TSPEAR: variants seen among roughly 807,000 people sequenced by gnomAD.
TSPEAR encodes the protein thrombospondin-type laminin G domain and EAR repeat-containing protein.
In TSPEAR, 69 loss-of-function variants were observed where a neutral mutation model predicts 71.6. That is an observed-to-expected ratio of 0.96 (90% CI 0.79 to 1.18). TSPEAR has a LOEUF of 1.18. TSPEAR is among the 50% of genes most tolerant of loss of function. TSPEAR has a pLI of 0.00. For synonymous variants in TSPEAR, 402 were observed against 387.2 expected, an observed-to-expected ratio of 1.04 and a Z score of -0.45; for missense variants, 971 against 894.9, an observed-to-expected ratio of 1.09 and a Z score of -1.09.
intron 1 of TSPEAR, 45 bp from the exon 2 acceptor site, chr21:44,568,050 A>G (rs2053726329): frequency 6.9e-7 from 1 of 1,443,532 alleles, no homozygotes. Context: ...GACACCCCCA[A>G]AAGTGGATAC....
Position 44,504,898 on chromosome 21 carries a change from G to T in TSPEAR, c.1755-17C>A, listed in dbSNP as rs782413436. On this transcript the variant is annotated splice_polypyrimidine_tract_variant and intron_variant, in intron 10 of 11. Coordinates refer to ENST00000323084, the MANE Select transcript of TSPEAR (RefSeq NM_144991.3). ...TCCAGAGCACTGCAGGAACAAGTGG[G>T]TGGATATTAGGACACAACAGACATC... The T allele has an allele frequency of 1.9e-6, 3 of 1,588,452 alleles. No homozygotes were observed. Among genetic ancestry groups the T allele is most frequent in the African/African-American group, 2.7e-5 (2 of 74,292 alleles).
chr21:44,577,188 C>T (rs1397262422), intron 1 of TSPEAR, among the ~76,000 whole-genome samples: 2 of 152,110 alleles, frequency 1.3e-5, no homozygotes, highest in African/African-American at 4.8e-5. Context: ...AGAAGAAGGC[C>T]TAAAATCAGT....
intron 2 of TSPEAR, among the ~76,000 whole-genome samples, chr21:44,538,335 G>A (rs1319378942): frequency 6.6e-6 from 1 of 151,918 alleles, no homozygotes; most frequent in African/African-American, 2.4e-5. Context: ...GCCTTAGAGA[G>A]ATGAGAGTGT....
At chr21:44,686,062 C>T (rs1418101373) in intron 1 of TSPEAR, among the ~76,000 whole-genome samples, 5 of 152,104 alleles carry the variant, frequency 3.3e-5, no homozygotes, top group African/African-American at 7.2e-5. Context: ...TCAGTCAAAA[C>T]GGGGCCCCTG....
intron 1 of TSPEAR, among the ~76,000 whole-genome samples, chr21:44,620,284 G>A (rs797023049): frequency 7.2e-5 from 11 of 152,324 alleles, no homozygotes; most frequent in Non-Finnish European, 1.0e-4. Flanking sequence ...CTGAGAGCTC[G>A]TTGCTGAAAG....
At chr21:44,512,054 TGGCAGCA>T (rs1895097651) in intron 9 of TSPEAR, among the ~76,000 whole-genome samples, 2 of 152,000 alleles carry the variant, frequency 1.3e-5, no homozygotes, top group African/African-American at 2.4e-5. Flanking sequence ...ACAGGGGAGT[TGGCAGCA>T]GGAAGCAGGG....
intron 2 of TSPEAR, among the ~76,000 whole-genome samples, chr21:44,538,100 G>A (rs781967183): frequency 1.8e-4 from 27 of 152,182 alleles, no homozygotes; most frequent in Non-Finnish European, 3.1e-4. Context: ...GGCTGCGGCC[G>A]GCCTGGCTGT....
chr21:44,666,025 A>G (rs1985735544), intron 1 of TSPEAR, among the ~76,000 whole-genome samples: 4 of 152,170 alleles, frequency 2.6e-5, no homozygotes, highest in African/African-American at 9.7e-5. Flanking sequence ...CCTGGGAGAG[A>G]CCACATGGGC....
intron 1 of TSPEAR, among the ~76,000 whole-genome samples, chr21:44,649,508 C>G (rs1304475913): frequency 6.6e-6 from 1 of 152,162 alleles, no homozygotes; most frequent in African/African-American, 2.4e-5. Flanking sequence ...AGGACAGCAC[C>G]CCCTCCAGGC....
At chr21:44,676,574 G>A in intron 1 of TSPEAR, 2 of 723,000 alleles carry the variant, frequency 2.8e-6, no homozygotes, top group South Asian at 1.5e-5. Flanking sequence ...TGATGAAACT[G>A]TAATTCTTGT....
At chr21:44,683,822 A>T (rs1426289360) in intron 1 of TSPEAR, among the ~76,000 whole-genome samples, 1 of 152,238 alleles carries the variant, frequency 6.6e-6, no homozygotes, top group Non-Finnish European at 1.5e-5. Flanking sequence ...AAACTGTTCA[A>T]ATAATTAAAG....
intron 1 of TSPEAR, chr21:44,678,014 G>T: frequency 1.2e-6 from 1 of 852,842 alleles, no homozygotes; most frequent in East Asian, 2.5e-5. Flanking sequence ...CACAGTGGAC[G>T]GAGGACTAAC....
intron 1 of TSPEAR, chr21:44,574,548 T>TCCCC (rs1978315962): frequency 6.2e-7 from 1 of 1,608,834 alleles, no homozygotes; most frequent in African/African-American, 1.4e-5. Flanking sequence ...CTGCACCTCC[T>TCCCC]CTCCCTGCCA....
intron 10 of TSPEAR, chr21:44,507,993 A>G (rs1447815194): frequency 3.9e-5 from 6 of 152,196 alleles, no homozygotes; most frequent in East Asian, 1.9e-4. Flanking sequence ...TAAAAATCAT[A>G]TAAGTAAGAT....
intron 1 of TSPEAR, chr21:44,697,684 C>T (rs61740708): frequency 3.1e-6 from 5 of 1,613,330 alleles, no homozygotes; most frequent in Non-Finnish European, 4.2e-6. Context: ...AGCCCATCTG[C>T]TGTGTGCCTG....
At chr21:44,549,510 C>T (rs1292584267) in intron 2 of TSPEAR, among the ~76,000 whole-genome samples, 6 of 152,062 alleles carry the variant, frequency 3.9e-5, no homozygotes, top group East Asian at 3.9e-4. Context: ...AAAATCAACC[C>T]GGACAAAAAA....
At position 44,647,197 on chromosome 21, in the gene TSPEAR, T is replaced by C. The variant is rs1555940293; in HGVS notation, c.82+64236A>G. On this transcript the variant is annotated intron_variant, in intron 1 of 11. Coordinates refer to ENST00000323084, the MANE Select transcript of TSPEAR (RefSeq NM_144991.3). ...CCTCCTCTGCCACCCCGTGTGCAGG[T>C]CCACCTGCTGTGTGCCCGTCTCCTC... The C allele has an allele frequency of 5.6e-6, 9 of 1,612,978 alleles. No individual in the cohort carries two copies. Among genetic ancestry groups the C allele is most frequent in the South Asian group, 1.1e-5 (1 of 90,974 alleles).
intron 2 of TSPEAR, among the ~76,000 whole-genome samples, chr21:44,536,201 C>T (rs1393220009): frequency 1.3e-5 from 2 of 152,216 alleles, no homozygotes; most frequent in African/African-American, 4.8e-5. Context: ...CCTTTCCGGG[C>T]GGTGCTGGGC....
At chr21:44,601,872 C>T (rs1452896885) in intron 1 of TSPEAR, 23 of 1,192,232 alleles carry the variant, frequency 1.9e-5, no homozygotes, top group Middle Eastern at 2.5e-4. Context: ...ATCCAGTGTG[C>T]GCTTCTCCTC....
Sources: allele counts gnomAD v4.1 joint callset (sites outside exome capture counted in the v4.1 genomes callset), GRCh38; gene constraint gnomAD v4.1.1; transcripts MANE v1.5; gene names NCBI Gene and HGNC (gene_info 2026-07-23, HGNC 2026-07-21).